ARHGAP42: variants seen among roughly 807,000 people sequenced by gnomAD.
ARHGAP42 encodes the protein Rho GTPase activating protein 42, also known as rho GTPase-activating protein 42.
ARHGAP42 carries 63 observed loss-of-function variants against 125.0 expected under a neutral mutation model. The ratio of observed to expected loss-of-function variants is 0.50; its 90% CI spans 0.41 to 0.62. The LOEUF is 0.62. Among genes scored for constraint, ARHGAP42 ranks in the 20% least tolerant of loss-of-function variants. The probability of loss-of-function intolerance (pLI) is 0.00; values close to 1 mark genes in which losing one functional copy is unlikely to be tolerated. For missense variants in ARHGAP42, 766 were observed against 1,024.2 expected (o/e 0.75, Z 3.44); for synonymous variants, 339 against 351.0 (o/e 0.97, Z 0.38).
chr11:100,913,548 C>T lies in ARHGAP42; in HGVS notation c.481C>T (p.Gln161Ter). 1.6e-6 allele frequency: 2 copies of T among 1,286,850 alleles called. No homozygotes were observed. Among genetic ancestry groups the T allele is most frequent in the Non-Finnish European group, 2.0e-6 (2 of 979,976 alleles). 79.7% of individuals were successfully genotyped at this position (1,286,850 alleles called of 1,614,324 possible). The change falls in exon 5 of 24, where the codon CAA becomes TAA. Residue 161 changes from glutamine to a stop codon, truncating the protein, a stop_gained. Coordinates refer to ENST00000298815, the MANE Select transcript of ARHGAP42 (RefSeq NM_152432.4). LOFTEE classifies it high-confidence loss of function. ...CGCAAAGAAAAAGGAGTCTCATTTA[C>T]AAGAGGTAAGCTTTTCCAACTGAAA... is the stretch of plus-strand genomic sequence containing the variant. ...LSAKKKESHL[Q>*]EADTQIDREH...
intron 3 of ARHGAP42, among the ~76,000 whole-genome samples, chr11:100,803,436 C>T (rs1005826280): frequency 6.6e-6 from 1 of 152,094 alleles, no homozygotes; most frequent in Non-Finnish European, 1.5e-5. Flanking sequence ...GAGGATAGAG[C>T]TCTGAGGTTC....
chr11:100,921,642 A>G (rs1389126775), intron 6 of ARHGAP42, 38 bp downstream of exon 6: 3 of 1,253,126 alleles, frequency 2.4e-6, no homozygotes, highest in Non-Finnish European at 1.1e-6. Context: ...TGGGCTCAAA[A>G]CAATCTATGG....
chr11:100,820,651 C>T (rs1245284551), intron 3 of ARHGAP42, among the ~76,000 whole-genome samples: 1 of 152,096 alleles, frequency 6.6e-6, no homozygotes, highest in African/African-American at 2.4e-5. Context: ...GCTCCATGCT[C>T]TATAATAGTA....
At chr11:100,959,306 T>A (rs1209237294) in intron 12 of ARHGAP42, among the ~76,000 whole-genome samples, 1 of 152,050 alleles carries the variant, frequency 6.6e-6, no homozygotes, top group Non-Finnish European at 1.5e-5. Flanking sequence ...TTGGGGATGT[T>A]TAGTGACTGA....
At chr11:100,758,509 G>T (rs188040644) in intron 1 of ARHGAP42, among the ~76,000 whole-genome samples, 1 of 152,254 alleles carries the variant, frequency 6.6e-6, no homozygotes, top group Admixed American at 6.5e-5. Context: ...TGTCACTGTA[G>T]TTTTTTCCTT....
In ARHGAP42 at chr11:100,974,733, T is replaced by A. The variant is rs1858344708; in HGVS notation, c.1855+130T>A. The A allele has an allele frequency of 3.0e-6, 3 of 989,916 alleles. No homozygotes were observed. In the East Asian group the frequency reaches 8.2e-5, roughly 27 times the overall value. 61.3% of individuals were successfully genotyped at this position (989,916 alleles called of 1,614,324 possible). On this transcript the variant is annotated intron_variant, in intron 19 of 23. Coordinates refer to ENST00000298815, the MANE Select transcript of ARHGAP42 (RefSeq NM_152432.4). ...TCTTTCCCCAACACCTCCTCTTTTA[T>A]CATTTGTATATTCTCTGTCAATAGT...
At chr11:100,815,089 A>G (rs897732324) in intron 3 of ARHGAP42, among the ~76,000 whole-genome samples, 1 of 152,222 alleles carries the variant, frequency 6.6e-6, no homozygotes, top group Admixed American at 6.5e-5. Context: ...ATCTGTGACC[A>G]TATACATGTT....
At chr11:100,740,053 G>A (rs1381024881) in intron 1 of ARHGAP42, among the ~76,000 whole-genome samples, 3 of 150,038 alleles carry the variant, frequency 2.0e-5, no homozygotes, top group African/African-American at 7.4e-5. Flanking sequence ...CAAGTTAAAG[G>A]GTTATTAGTA....
At chr11:100,756,484 G>T (rs1035587482) in intron 1 of ARHGAP42, among the ~76,000 whole-genome samples, 1 of 152,114 alleles carries the variant, frequency 6.6e-6, no homozygotes, top group Non-Finnish European at 1.5e-5. Context: ...AAAATTTGTA[G>T]TATTTGTGGA....
At chr11:100,864,696 GA>G (rs1238366680) in intron 4 of ARHGAP42, among the ~76,000 whole-genome samples, 4 of 152,250 alleles carry the variant, frequency 2.6e-5, no homozygotes, top group African/African-American at 7.2e-5. Context: ...CCTCAGACCA[GA>G]AGCCTTTCTA....
intron 1 of ARHGAP42, among the ~76,000 whole-genome samples, chr11:100,706,525 G>C (rs76324758): frequency 0.028 from 4,239 of 152,234 alleles, 96 homozygotes; most frequent in Middle Eastern, 0.058. Flanking sequence ...ATTAGAGTAG[G>C]CTTATTCAGG....
chr11:100,734,611 C>T (rs887977519), intron 1 of ARHGAP42, among the ~76,000 whole-genome samples: 13 of 152,170 alleles, frequency 8.5e-5, no homozygotes, highest in African/African-American at 3.1e-4. Context: ...AAGGAGAGCT[C>T]TTCTGCAGGA....
At chr11:100,749,562 C>T (rs1862393847) in intron 1 of ARHGAP42, among the ~76,000 whole-genome samples, 2 of 152,192 alleles carry the variant, frequency 1.3e-5, no homozygotes, top group South Asian at 4.1e-4. Context: ...CTGTTTCCTC[C>T]CTTTCCCCCT....
intron 3 of ARHGAP42, among the ~76,000 whole-genome samples, chr11:100,808,342 G>T (rs1864048448): frequency 6.6e-6 from 1 of 151,084 alleles, no homozygotes; most frequent in African/African-American, 2.4e-5. Flanking sequence ...AAGAGAAAGG[G>T]CAACAAAAGC....
chr11:100,689,723 T>G (rs947352969), intron 1 of ARHGAP42, among the ~76,000 whole-genome samples: 6 of 152,228 alleles, frequency 3.9e-5, no homozygotes, highest in Non-Finnish European at 5.9e-5. Flanking sequence ...TTCTTAAGTT[T>G]GTGGTGAGAG....
At chr11:100,745,972 G>C (rs1862294939) in intron 1 of ARHGAP42, among the ~76,000 whole-genome samples, 1 of 152,190 alleles carries the variant, frequency 6.6e-6, no homozygotes, top group African/African-American at 2.4e-5. Flanking sequence ...GTAGATGTGG[G>C]AATGGAAAGA....
At position 100,936,235 on chromosome 11, in the gene ARHGAP42, G is replaced by A. The variant is rs1867734603; in HGVS notation, c.735G>A (p.Glu245=). ...TRNNFESTRQ[E]VERLMQRMKS... is the part of the protein sequence containing the mutation. ...ATAATTTTGAAAGTACTCGACAAGA[G>A]GTAGAGCGGTTGATGCAAAGGATGA... Residue 245 remains glutamate, a synonymous_variant, in exon 8 of 24, where the codon GAG becomes GAA. Coordinates refer to ENST00000298815, the MANE Select transcript of ARHGAP42 (RefSeq NM_152432.4). 6.4e-7 allele frequency: 1 copy of A among 1,551,644 alleles called. No individual in the cohort carries two copies. Among genetic ancestry groups the A allele is most frequent in the Non-Finnish European group, 8.7e-7 (1 of 1,146,954 alleles).
At chr11:100,725,985 C>A (rs555776857) in intron 1 of ARHGAP42, among the ~76,000 whole-genome samples, 1 of 147,286 alleles carries the variant, frequency 6.8e-6, no homozygotes, top group Non-Finnish European at 1.5e-5. Flanking sequence ...GTAGTCCCAG[C>A]TACTTGGAAG....
chr11:100,800,132 T>A (rs1034868629), intron 3 of ARHGAP42, among the ~76,000 whole-genome samples: 7 of 152,216 alleles, frequency 4.6e-5, no homozygotes, highest in Non-Finnish European at 1.5e-5. Flanking sequence ...TACTGAACTG[T>A]AAACAGTAAG....
Sources: gnomAD v4.1 joint callset for allele counts (sites outside exome capture counted in the v4.1 genomes callset) on GRCh38, gnomAD v4.1.1 for gene constraint, MANE v1.5 for transcripts, NCBI Gene and HGNC (gene_info 2026-07-23, HGNC 2026-07-21) for gene names.